SLC26A3: variants seen among roughly 807,000 people sequenced by gnomAD.
SLC26A3 encodes the protein solute carrier family 26 member 3.
A neutral mutation model predicts 85.6 loss-of-function variants in SLC26A3; 64 were observed. The observed-to-expected ratio is 0.75, with a 90% CI of 0.61 to 0.92. The LOEUF is 0.92. Ranked by LOEUF, SLC26A3 falls within the 40% of genes least tolerant of loss-of-function variation. The pLI is 0.00. For missense variants in SLC26A3, 922 were observed against 927.3 expected (o/e 0.99, Z 0.07); for synonymous variants, 349 against 336.0 (o/e 1.04, Z -0.42).
At chr7:107,780,916 G>A (rs1488977980) in intron 11 of SLC26A3, among the ~76,000 whole-genome samples, 3 of 152,188 alleles carry the variant, frequency 2.0e-5, no homozygotes, top group South Asian at 2.1e-4. Context: ...TGTCACCATT[G>A]TGGTAGCTAG....
At chr7:107,792,328 A>C (rs1002927018) in intron 3 of SLC26A3, among the ~76,000 whole-genome samples, 1 of 152,090 alleles carries the variant, frequency 6.6e-6, no homozygotes, top group African/African-American at 2.4e-5. Flanking sequence ...ACATTGTAAT[A>C]TTTAATGAAA....
At chr7:107,794,899 C>T (rs1451635957) in intron 1 of SLC26A3, among the ~76,000 whole-genome samples, 1 of 152,076 alleles carries the variant, frequency 6.6e-6, no homozygotes, top group African/African-American at 2.4e-5. Flanking sequence ...AACTTTTTTT[C>T]CCAGAAATAT....
At chr7:107,778,099 C>T (rs1435589227) in intron 13 of SLC26A3, 76 bp downstream of exon 13, 3 of 950,370 alleles carry the variant, frequency 3.2e-6, no homozygotes, top group South Asian at 1.4e-5. Context: ...GTTCTTTTAG[C>T]CAGTGACATT....
intron 18 of SLC26A3, among the ~76,000 whole-genome samples, chr7:107,770,012 TTC>T (rs923978182): frequency 1.6e-4 from 6 of 37,008 alleles, no homozygotes; most frequent in East Asian, 2.0e-3. Flanking sequence ...CTTTCTTTCT[TTC>T]TTTCTTTCTT....
chr7:107,799,565 T>C (rs1794568097), intron 1 of SLC26A3, among the ~76,000 whole-genome samples: 1 of 152,162 alleles, frequency 6.6e-6, no homozygotes, highest in African/African-American at 2.4e-5. Flanking sequence ...TAAGTTTTTA[T>C]ATTTTTAGTA....
At chr7:107,796,046 T>C (rs1423080747) in intron 1 of SLC26A3, among the ~76,000 whole-genome samples, 1 of 152,092 alleles carries the variant, frequency 6.6e-6, no homozygotes, top group East Asian at 1.9e-4. Context: ...CCCACATCTC[T>C]GGCTTGATCT....
At chr7:107,776,260 T>A in intron 15 of SLC26A3, 192 bp downstream of exon 15, 1 of 623,504 alleles carries the variant, frequency 1.6e-6, no homozygotes, top group Non-Finnish European at 2.9e-6. Context: ...AAGAGGCTTA[T>A]TTCCCAACCT....
Position 107,774,029 on chromosome 7 carries a change from TC to T in SLC26A3, c.1897del (p.Asp633MetfsTer32). On this transcript the variant is annotated frameshift_variant, in exon 17 of 21. Coordinates refer to ENST00000340010, the MANE Select transcript of SLC26A3 (RefSeq NM_000111.3). LOFTEE classifies it high-confidence loss of function. ...GACCTCAATGTTGAGAGGAAGATCA[TC>T]ATTCCAGTCAATGTGGAAAGGCAGG... The part of the protein sequence containing the change: ...TDLPFHIDWN[D>X]DLPLNIEVPK... 6.2e-7 allele frequency: 1 copy of T among 1,614,060 alleles called. No individual in the cohort carries two copies. The highest frequency in any genetic ancestry group is 1.1e-5 in the South Asian group (1 of 91,082).
At chr7:107,789,841 G>A (rs1038997954) in intron 5 of SLC26A3, among the ~76,000 whole-genome samples, 153 bp from the exon 6 acceptor site, 9 of 152,216 alleles carry the variant, frequency 5.9e-5, no homozygotes, top group South Asian at 2.1e-4. Context: ...CTCCTGGGAC[G>A]CCTCCCACCC....
intron 8 of SLC26A3, among the ~76,000 whole-genome samples, chr7:107,784,841 T>C (rs1414750075): frequency 6.6e-6 from 1 of 152,242 alleles, no homozygotes; most frequent in Non-Finnish European, 1.5e-5. Context: ...AGGATCCCTC[T>C]GGAATCTGAA....
Position 107,801,900 on chromosome 7 carries a change from C to T in SLC26A3, c.-89+1211G>A, listed in dbSNP as rs373863127. 7.0e-4 allele frequency among the ~76,000 whole-genome samples: 98 copies of T among 140,034 alleles called. 1 individual carries two copies. Among genetic ancestry groups the T allele is most frequent in the African/African-American group, 2.5e-3 (91 of 36,122 alleles). 91.9% of individuals were successfully genotyped at this position (140,034 alleles called of 152,430 possible). On this transcript the variant is annotated intron_variant, in intron 1 of 20. Coordinates refer to ENST00000340010, the MANE Select transcript of SLC26A3 (RefSeq NM_000111.3). ...TTCGAGACCAGCCTGGCCAACATGG[C>T]GAAACCCCGTCTCTACTGAAAATAC...
At chr7:107,768,466 T>C (rs1464523174) in intron 18 of SLC26A3, among the ~76,000 whole-genome samples, 2 of 152,174 alleles carry the variant, frequency 1.3e-5, no homozygotes, top group African/African-American at 2.4e-5. Context: ...ACTATTACCT[T>C]ATGTCTGCCA....
rs1453768608 is a variant in SLC26A3, at chr7:107,779,716, C to T, written c.1359G>A (p.Met453Ile). Residue 453 changes from methionine to isoleucine, a missense_variant, in exon 12 of 21, where the codon ATG (methionine) becomes ATA (isoleucine). By Grantham distance (10) the Met-to-Ile change is conservative. Transcript: ENST00000340010. ...LALGNLKGML[M>I]QFAEIGRLWR... Reference sequence around the variant, plus strand: ...ACAATCTGCCTATTTCAGCAAACTGCATCAGCATTCCCTTTAAGTTTCCCA... The same window carrying T: ...ACAATCTGCCTATTTCAGCAAACTGTATCAGCATTCCCTTTAAGTTTCCCA... The T allele has an allele frequency of 1.2e-6, 2 of 1,614,050 alleles. No homozygotes were observed. The highest frequency in any genetic ancestry group is 1.3e-5 in the African/African-American group (1 of 75,040).
At chr7:107,788,943 C>T (rs1448199787) in intron 6 of SLC26A3, among the ~76,000 whole-genome samples, 2 of 151,044 alleles carry the variant, frequency 1.3e-5, no homozygotes, top group Non-Finnish European at 1.5e-5. Context: ...CCACCATGCC[C>T]GGCTAATTAT....
chr7:107,783,057 C>T lies in SLC26A3; in HGVS notation c.1156G>A (p.Gly386Arg). 1 of 1,614,194 alleles carries T rather than the reference C, an allele frequency of 6.2e-7. No individual in the cohort carries two copies. The highest frequency in any genetic ancestry group is 8.5e-7 in the Non-Finnish European group (1 of 1,180,026). The change falls in exon 10 of 21, where the codon GGA becomes AGA. Residue 386 changes from glycine (G) to arginine (R), a missense_variant. Gly to Arg is a moderately radical substitution (Grantham distance 125). Coordinates refer to ENST00000340010, the MANE Select transcript of SLC26A3 (RefSeq NM_000111.3). The stretch of plus-strand genomic sequence containing the variant: ...CTCCCAGCAAATCCTCTGAATACTC[C>T]ACAGACTATGTTACCCAGTCCCAAG... The part of the protein sequence containing the change: ...IALGLGNIVC[G>R]VFRGFAGSTA...
chr7:107,792,833 A>G (rs1015481181), intron 3 of SLC26A3, among the ~76,000 whole-genome samples: 7 of 152,224 alleles, frequency 4.6e-5, no homozygotes, highest in Non-Finnish European at 1.0e-4. Context: ...TTATCTGCAA[A>G]TTGTATATCT....
rs1310132557 is a variant in SLC26A3 at position 107,788,361 on chromosome 7, C to T, written c.736-852G>A. Among the ~76,000 whole-genome samples the T allele has an allele frequency of 2.0e-5, 3 of 152,216 alleles. No individual in the cohort carries two copies. The East Asian group carries it at 5.8e-4, about 29-fold the overall frequency. On this transcript the variant is annotated intron_variant, in intron 6 of 20. Coordinates refer to ENST00000340010, the MANE Select transcript of SLC26A3 (RefSeq NM_000111.3). Reference sequence around the variant, plus strand: ...TTGTCCCAAGTTTTAAAACTAAGAACACTATCTGTTCTACTTTGCATCCTC... The same window carrying T: ...TTGTCCCAAGTTTTAAAACTAAGAATACTATCTGTTCTACTTTGCATCCTC...
intron 11 of SLC26A3, among the ~76,000 whole-genome samples, chr7:107,782,493 C>A (rs1490411615): frequency 6.6e-6 from 1 of 152,150 alleles, no homozygotes; most frequent in Non-Finnish European, 1.5e-5. Flanking sequence ...TCTACTCAGT[C>A]CATGCGTGTT....
chr7:107,787,468 A>C lies in SLC26A3; in HGVS notation c.777T>G (p.Ile259Met), dbSNP rs1794316628. 1.9e-6 allele frequency: 3 copies of C among 1,613,684 alleles called. No individual in the cohort carries two copies. Among genetic ancestry groups the C allele is most frequent in the Non-Finnish European group, 2.5e-6 (3 of 1,179,594 alleles). ...SVFSQIEKTN[I>M]ADLVTALIVL... ...CAATCAGAGCTGTCACCAGGTCTGC[A>C]ATATTAGTCTTCTCTATTTGTGAGA... is the stretch of plus-strand genomic sequence containing the variant. Residue 259 changes from isoleucine (I) to methionine (M), a missense_variant, in exon 7 of 21, where the codon ATT (isoleucine) becomes ATG (methionine). Ile to Met is a conservative substitution (Grantham distance 10, BLOSUM62 1). Transcript: ENST00000340010.
Sources: gnomAD v4.1 joint callset for allele counts (sites outside exome capture counted in the v4.1 genomes callset) on GRCh38, gnomAD v4.1.1 for gene constraint, MANE v1.5 for transcripts, NCBI Gene and HGNC (gene_info 2026-07-23, HGNC 2026-07-21) for gene names.